CSMD1: variants seen among roughly 807,000 people sequenced by gnomAD.
CSMD1 encodes the protein CUB and Sushi multiple domains 1, also known as CUB and sushi domain-containing protein 1.
Under a neutral mutation model 417.5 loss-of-function variants are expected in CSMD1, and 213 were observed. The observed-to-expected ratio is 0.51, with a 90% confidence interval of 0.46 to 0.57. The LOEUF (loss-of-function observed/expected upper bound fraction) is 0.57. Among genes scored for constraint, CSMD1 ranks in the 20% least tolerant of loss-of-function variants. CSMD1 has a pLI of 0.00. For missense variants in CSMD1, 6,923 were observed against 4,529.7 expected (o/e 1.53, Z -15.17); for synonymous variants, 2,862 against 1,736.8 (o/e 1.65, Z -16.11).
At chr8:4,925,866 T>C (rs755586332) in intron 1 of CSMD1, among the ~76,000 whole-genome samples, 21 of 152,212 alleles carry the variant, frequency 1.4e-4, no homozygotes, top group African/African-American at 5.1e-4. Flanking sequence ...CATTTTGTAA[T>C]TGTGAAATGG....
intron 5 of CSMD1, among the ~76,000 whole-genome samples, chr8:3,928,807 A>C (rs1484952453): frequency 9.6e-6 from 1 of 103,648 alleles, no homozygotes; most frequent in Non-Finnish European, 1.8e-5. Context: ...AGTTCTATGC[A>C]TTCCCAGCGA....
intron 2 of CSMD1, among the ~76,000 whole-genome samples, chr8:4,607,450 G>A (rs547694458): frequency 6.6e-6 from 1 of 152,276 alleles, no homozygotes; most frequent in East Asian, 1.9e-4. Context: ...TGTTGAAACA[G>A]TTGTGAAGCT....
chr8:4,201,919 G>C (rs12548693), intron 3 of CSMD1, among the ~76,000 whole-genome samples: 1 of 146,498 alleles, frequency 6.8e-6, no homozygotes, highest in Non-Finnish European at 1.5e-5. Flanking sequence ...CATTTGCCAT[G>C]CTCAATAGCA....
At chr8:4,652,048 T>C (rs1803929800) in intron 1 of CSMD1, among the ~76,000 whole-genome samples, 1 of 152,220 alleles carries the variant, frequency 6.6e-6, no homozygotes, top group Admixed American at 6.5e-5. Context: ...CTATGAGCCA[T>C]GATTGAGTCA....
intron 3 of CSMD1, among the ~76,000 whole-genome samples, chr8:4,121,698 A>G (rs1197546523): frequency 6.6e-6 from 1 of 152,040 alleles, no homozygotes; most frequent in Admixed American, 6.6e-5. Flanking sequence ...GAGGGTTTTC[A>G]TCATTCTGAC....
intron 3 of CSMD1, among the ~76,000 whole-genome samples, chr8:4,405,056 C>G (rs1431362981): frequency 1.3e-5 from 2 of 152,214 alleles, no homozygotes; most frequent in East Asian, 1.9e-4. Context: ...ATGCTGGACA[C>G]TTTCTCAAAT....
At chr8:4,301,122 G>T (rs927495009) in intron 3 of CSMD1, among the ~76,000 whole-genome samples, 16 of 152,160 alleles carry the variant, frequency 1.1e-4, no homozygotes, top group Non-Finnish European at 2.2e-4. Flanking sequence ...AATTGCCCGT[G>T]TTTGAGGAGA....
rs779820037 is a variant in CSMD1, at chr8:3,751,822, AG to A, written c.931+2107del. ...GATCAGGTTTGAGAAACAAACGCTT[AG>A]AAATTTTTCTTTAATTCACTGTTGT... On this transcript the variant is annotated intron_variant, in intron 6 of 69. Coordinates refer to ENST00000635120, the MANE Select transcript of CSMD1 (RefSeq NM_033225.6). Among the ~76,000 whole-genome samples, 10 of 152,326 alleles carry A rather than the reference AG, an allele frequency of 6.6e-5. No homozygotes were observed. In the East Asian group the frequency reaches 9.6e-4, roughly 15 times the overall value.
At chr8:3,854,265 A>G (rs948153234) in intron 5 of CSMD1, among the ~76,000 whole-genome samples, 4 of 151,340 alleles carry the variant, frequency 2.6e-5, no homozygotes, top group Admixed American at 1.3e-4. Context: ...ATTTAACTCC[A>G]AAATATGATC....
intron 3 of CSMD1, among the ~76,000 whole-genome samples, chr8:4,311,481 A>G (rs1798565269): frequency 6.6e-6 from 1 of 152,144 alleles, no homozygotes; most frequent in Non-Finnish European, 1.5e-5. Flanking sequence ...CCAGCATTTC[A>G]GAAGGCCAAG....
At chr8:4,014,249 C>G (rs151032647) in intron 4 of CSMD1, among the ~76,000 whole-genome samples, 2 of 152,136 alleles carry the variant, frequency 1.3e-5, no homozygotes, top group African/African-American at 4.8e-5. Context: ...ACAGAAGCAA[C>G]AAACACAGTG....
chr8:4,485,399 G>A (rs77470831), intron 2 of CSMD1, among the ~76,000 whole-genome samples: 11,073 of 152,100 alleles, frequency 0.073, 604 homozygotes, highest in East Asian at 0.19. Context: ...CTACAGACGG[G>A]GCCTGATAAA....
chr8:3,704,361 G>C (rs903637999), intron 7 of CSMD1, among the ~76,000 whole-genome samples: 2 of 152,102 alleles, frequency 1.3e-5, no homozygotes, highest in African/African-American at 2.4e-5. Context: ...ATACCCAGTG[G>C]GCTCCATAGG....
chr8:3,535,016 G>A (rs1798134469), intron 10 of CSMD1, among the ~76,000 whole-genome samples: 1 of 152,138 alleles, frequency 6.6e-6, no homozygotes, highest in African/African-American at 2.4e-5. Flanking sequence ...GGTGCAATCA[G>A]AACTCACCGT....
At chr8:4,334,184 G>A (rs758805197) in intron 3 of CSMD1, among the ~76,000 whole-genome samples, 9 of 152,130 alleles carry the variant, frequency 5.9e-5, no homozygotes, top group South Asian at 4.1e-4. Context: ...TGGGATTACA[G>A]GTGTGAGCCA....
intron 1 of CSMD1, among the ~76,000 whole-genome samples, chr8:4,949,834 A>T (rs1808618714): frequency 6.6e-6 from 1 of 152,172 alleles, no homozygotes; most frequent in Non-Finnish European, 1.5e-5. Flanking sequence ...AGGACAGGAT[A>T]TATATATAGA....
intron 3 of CSMD1, among the ~76,000 whole-genome samples, chr8:4,270,690 C>A (rs574981470): frequency 2.0e-5 from 3 of 152,264 alleles, no homozygotes; most frequent in Admixed American, 2.0e-4. Context: ...CTACTAAAAC[C>A]GTCTGATCCT....
intron 1 of CSMD1, among the ~76,000 whole-genome samples, chr8:4,872,986 G>C (rs1802821561): frequency 1.3e-5 from 2 of 152,064 alleles, no homozygotes; most frequent in African/African-American, 4.8e-5. Flanking sequence ...TATTTAAGGT[G>C]TACAGTGTGT....
chr8:3,252,727 C>T (rs1020622151), intron 26 of CSMD1, among the ~76,000 whole-genome samples: 1 of 152,148 alleles, frequency 6.6e-6, no homozygotes, highest in African/African-American at 2.4e-5. Flanking sequence ...TTAATTATTG[C>T]CTCAATTTCA....
Sources: gnomAD v4.1 joint callset for allele counts (sites outside exome capture counted in the v4.1 genomes callset) on GRCh38, gnomAD v4.1.1 for gene constraint, MANE v1.5 for transcripts, NCBI Gene and HGNC (gene_info 2026-07-23, HGNC 2026-07-21) for gene names.